Variants in LIMK2 observed in about 807,000 individuals in gnomAD.
The protein encoded by LIMK2 is LIM domain kinase 2.
A neutral mutation model predicts 75.7 loss-of-function variants in LIMK2; 35 were observed. That is an observed-to-expected ratio of 0.46 (90% CI 0.35 to 0.61). LIMK2 has a LOEUF of 0.61. Ranked by LOEUF, LIMK2 falls within the 20% of genes least tolerant of loss-of-function variation. The probability of loss-of-function intolerance (pLI) is 0.00; values close to 1 mark genes in which losing one functional copy is unlikely to be tolerated. For synonymous variants in LIMK2, 301 were observed against 319.2 expected (o/e 0.94, Z 0.61); for missense variants, 623 against 831.0 (o/e 0.75, Z 3.08).
At chr22:31,241,943 G>C (rs993399262) in intron 2 of LIMK2, among the ~76,000 whole-genome samples, 2 of 152,166 alleles carry the variant, frequency 1.3e-5, no homozygotes, top group African/African-American at 2.4e-5. Flanking sequence ...GGGAAGGGCA[G>C]CACTGAAATT....
intron 1 of LIMK2, 118 bp from the exon 2 acceptor site, chr22:31,225,602 A>G (rs2048470448): frequency 1.4e-6 from 1 of 713,870 alleles, no homozygotes; most frequent in African/African-American, 1.8e-5. Flanking sequence ...CTAGCAGAGC[A>G]TTGGCCTAAC....
intron 1 of LIMK2, among the ~76,000 whole-genome samples, chr22:31,213,121 T>G (rs1470356953): frequency 1.3e-5 from 2 of 151,944 alleles, no homozygotes; most frequent in Admixed American, 1.3e-4. Context: ...GGGTTCTGAG[T>G]CCTCCTGTGG....
At chr22:31,234,719 CA>C (rs35909225) in intron 2 of LIMK2, among the ~76,000 whole-genome samples, 15,287 of 68,432 alleles carry the variant, frequency 0.22, 1,532 homozygotes, top group African/African-American at 0.44. Flanking sequence ...GACTCCATCT[CA>C]AAAAAAAAAA....
At chr22:31,226,191 A>T (rs1249057713) in intron 2 of LIMK2, among the ~76,000 whole-genome samples, 1 of 150,500 alleles carries the variant, frequency 6.6e-6, no homozygotes, top group Non-Finnish European at 1.5e-5. Context: ...ATTTTATTTT[A>T]TTTTATTTTA....
At chr22:31,256,272 C>T (rs1438354196) in intron 2 of LIMK2, among the ~76,000 whole-genome samples, 3 of 135,808 alleles carry the variant, frequency 2.2e-5, no homozygotes, top group South Asian at 2.4e-4. Context: ...GCTGGGATTA[C>T]AGGTGTGAGC....
intron 15 of LIMK2, chr22:31,277,186 ACC>A (rs780542414): frequency 6.2e-7 from 1 of 1,610,654 alleles, no homozygotes; most frequent in Non-Finnish European, 8.5e-7. Context: ...GACAATCGCT[ACC>A]CCCCGACCTC....
At chr22:31,238,124 A>AC (rs2123796688) in intron 2 of LIMK2, among the ~76,000 whole-genome samples, 1 of 151,802 alleles carries the variant, frequency 6.6e-6, no homozygotes, top group African/African-American at 2.4e-5. Flanking sequence ...CAAAAAAAAA[A>AC]AAAAAAAACC....
chr22:31,235,165 A>G (rs2048562118), intron 2 of LIMK2, among the ~76,000 whole-genome samples: 1 of 152,102 alleles, frequency 6.6e-6, no homozygotes, highest in Non-Finnish European at 1.5e-5. Context: ...TTGTGTCAGC[A>G]CTGAGCATAT....
chr22:31,273,769 C>T (rs192552250), intron 14 of LIMK2, among the ~76,000 whole-genome samples: 1 of 152,280 alleles, frequency 6.6e-6, no homozygotes, highest in Non-Finnish European at 1.5e-5. Context: ...ACAATCTGGG[C>T]TCACTGCAAC....
At position 31,259,112 on chromosome 22, in the gene LIMK2, T is replaced by A; in HGVS notation, c.253-9T>A. On this transcript the variant is annotated splice_polypyrimidine_tract_variant and intron_variant, in intron 3 of 15. Coordinates refer to ENST00000331728, the MANE Select transcript of LIMK2 (RefSeq NM_005569.4). ...CCCTTTGTACACCCTTCTCCCCACC[T>A]GCTCACAGGTGGCTGGGGAGTTCAA... 6.4e-7 allele frequency: 1 copy of A among 1,560,824 alleles called. No individual in the cohort carries two copies. Among genetic ancestry groups the A allele is most frequent in the Non-Finnish European group, 8.8e-7 (1 of 1,131,678 alleles).
chr22:31,268,296 A>ACTTT, intron 11 of LIMK2, 96 bp downstream of exon 11: 1 of 986,834 alleles, frequency 1.0e-6, no homozygotes, highest in South Asian at 1.3e-5. Context: ...TTCCTATGCA[A>ACTTT]CTTGTGTGGG....
At position 31,257,530 on chromosome 22, in the gene LIMK2, C is replaced by T. The variant is rs183063026; in HGVS notation, c.117-761C>T. Among the ~76,000 whole-genome samples, 37 of 152,250 alleles carry T rather than the reference C, an allele frequency of 2.4e-4. No homozygotes were observed. In the East Asian group the frequency reaches 6.0e-3, roughly 25 times the overall value. Reference sequence around the variant, plus strand: ...ATATCATTACATCTAAGAAAATTCACGGCAATTTTACAATATAATATTATA... The same window carrying T: ...ATATCATTACATCTAAGAAAATTCATGGCAATTTTACAATATAATATTATA... On this transcript the variant is annotated intron_variant, in intron 2 of 15. Transcript: ENST00000331728.
chr22:31,245,208 G>A (rs554097604), intron 2 of LIMK2, among the ~76,000 whole-genome samples: 1 of 152,316 alleles, frequency 6.6e-6, no homozygotes, highest in Admixed American at 6.5e-5. Context: ...CACTATTAGA[G>A]GTAGTAAACA....
In LIMK2 at chr22:31,256,156, G is replaced by A. The variant is rs543310872; in HGVS notation, c.117-2135G>A. On this transcript the variant is annotated intron_variant, in intron 2 of 15. Coordinates refer to ENST00000331728, the MANE Select transcript of LIMK2 (RefSeq NM_005569.4). ...TGGGACTACCAGTGCACGCCACCAC[G>A]CCCGGCTAATTTTTGTATTTTTAGT... Among the ~76,000 whole-genome samples, 32 of 150,450 alleles carry A rather than the reference G, an allele frequency of 2.1e-4. 1 individual carries two copies. The highest frequency in any genetic ancestry group is 1.8e-3 in the Admixed American group (27 of 15,114).
intron 11 of LIMK2, among the ~76,000 whole-genome samples, chr22:31,269,737 G>A (rs998608535): frequency 9.3e-5 from 14 of 150,736 alleles, no homozygotes; most frequent in African/African-American, 3.4e-4. Flanking sequence ...TCACACCACT[G>A]CATTCCAGCC....
chr22:31,229,205 ACT>A (rs1485305768), intron 2 of LIMK2, among the ~76,000 whole-genome samples: 5 of 152,016 alleles, frequency 3.3e-5, no homozygotes, highest in Admixed American at 3.3e-4. Flanking sequence ...GAGGACAGAG[ACT>A]CTAATCCAGC....
At chr22:31,244,574 TA>T (rs1342353086) in intron 2 of LIMK2, among the ~76,000 whole-genome samples, 4 of 152,058 alleles carry the variant, frequency 2.6e-5, no homozygotes, top group African/African-American at 9.7e-5. Context: ...CTCAAGAGTT[TA>T]AACTCAACTT....
At chr22:31,239,863 G>A (rs1230794023) in intron 2 of LIMK2, among the ~76,000 whole-genome samples, 3 of 151,674 alleles carry the variant, frequency 2.0e-5, no homozygotes, top group African/African-American at 7.3e-5. Flanking sequence ...CATCCAGTAT[G>A]CACCATTACC....
chr22:31,261,017 G>C (rs750643261), intron 5 of LIMK2, among the ~76,000 whole-genome samples: 3 of 152,214 alleles, frequency 2.0e-5, no homozygotes, highest in Admixed American at 6.5e-5. Context: ...ATAGAGACTA[G>C]TTAGGAAGCT....
Sources: allele counts gnomAD v4.1 joint callset (sites outside exome capture counted in the v4.1 genomes callset), GRCh38; gene constraint gnomAD v4.1.1; transcripts MANE v1.5; gene names NCBI Gene and HGNC (gene_info 2026-07-23, HGNC 2026-07-21).